Variants in TRHR observed in about 807,000 individuals in gnomAD.
TRHR encodes the protein thyrotropin releasing hormone receptor.
Under a neutral mutation model 28.0 loss-of-function variants are expected in TRHR, and 14 were observed. That is an observed-to-expected ratio of 0.50 (90% confidence interval 0.33 to 0.78). The LOEUF (loss-of-function observed/expected upper bound fraction) is 0.78. Ranked by LOEUF, TRHR falls within the 30% of genes least tolerant of loss-of-function variation. The probability of loss-of-function intolerance (pLI) is 0.02; values close to 1 mark genes in which losing one functional copy is unlikely to be tolerated. For missense variants in TRHR, 438 were observed against 469.5 expected (o/e 0.93, Z 0.62); for synonymous variants, 176 against 171.9 (o/e 1.02, Z -0.18).
chr8:109,107,716 A>G (rs892431054), intron 2 of TRHR, among the ~76,000 whole-genome samples: 3 of 152,162 alleles, frequency 2.0e-5, no homozygotes, highest in Non-Finnish European at 4.4e-5. Context: ...ACCTCTTATC[A>G]AGGATGCAGA....
At position 109,088,307 on chromosome 8, in the gene TRHR, C is replaced by A. The variant is rs1329533231; in HGVS notation, c.789+6C>A. 6.2e-7 allele frequency: 1 copy of A among 1,612,452 alleles called. No individual in the cohort carries two copies. The highest frequency in any genetic ancestry group is 2.2e-5 in the East Asian group (1 of 44,854). On this transcript the variant is annotated splice_donor_region_variant and intron_variant, in intron 2 of 2. Transcript: ENST00000518632. ...CAGTATCTTCAAGGAAGCAGGTAAG[C>A]AAAACTGAAACTCCAAGTCAATAGA...
chr8:109,115,717 G>A (rs1415572818), intron 2 of TRHR, among the ~76,000 whole-genome samples: 1 of 152,132 alleles, frequency 6.6e-6, no homozygotes, highest in Non-Finnish European at 1.5e-5. Context: ...CTGAGACGAT[G>A]GGGTTTTCTA....
At chr8:109,110,124 C>T (rs984570194) in intron 2 of TRHR, among the ~76,000 whole-genome samples, 19 of 152,162 alleles carry the variant, frequency 1.2e-4, no homozygotes, top group Admixed American at 1.1e-3. Context: ...ATGTCTTGCT[C>T]ATAAAAGAAC....
At chr8:109,103,203 A>T (rs1811703187) in intron 2 of TRHR, among the ~76,000 whole-genome samples, 1 of 152,198 alleles carries the variant, frequency 6.6e-6, no homozygotes, top group Non-Finnish European at 1.5e-5. Context: ...CTGTTCTCAC[A>T]TCTTAAACCA....
In TRHR at chr8:109,087,828, T is replaced by C. The variant is rs1806679667; in HGVS notation, c.316T>C (p.Tyr106His). Reference protein sequence around the residue: ...VGCLCITYLQYLGINASSCSI... With the variant: ...VGCLCITYLQHLGINASSCSI... ...ATGCCTCTGCATTACTTACCTCCAG[T>C]ATTTGGGAATTAATGCATCCTCTTG... Residue 106 changes from tyrosine (Y) to histidine (H), a missense_variant, in exon 2 of 3, where the codon TAT (tyrosine) becomes CAT (histidine). Tyr to His is a moderately conservative substitution (Grantham distance 83). Coordinates refer to ENST00000518632, the MANE Select transcript of TRHR (RefSeq NM_003301.7). 5 of 1,614,182 alleles carry C rather than the reference T, an allele frequency of 3.1e-6. No individual in the cohort carries two copies. The highest frequency in any genetic ancestry group is 4.2e-6 in the Non-Finnish European group (5 of 1,180,034).
intron 2 of TRHR, among the ~76,000 whole-genome samples, chr8:109,100,320 G>T (rs953279094): frequency 1.3e-5 from 2 of 152,110 alleles, no homozygotes; most frequent in African/African-American, 4.8e-5. Context: ...GACCTCCAGG[G>T]ATTTCTTTAG....
At chr8:109,091,614 G>C (rs547236005) in intron 2 of TRHR, among the ~76,000 whole-genome samples, 1 of 152,288 alleles carries the variant, frequency 6.6e-6, no homozygotes, top group South Asian at 2.1e-4. Flanking sequence ...TAAAAAGGAA[G>C]TAAAAGAGCA....
chr8:109,113,061 C>G (rs1198812443), intron 2 of TRHR, among the ~76,000 whole-genome samples: 1 of 152,056 alleles, frequency 6.6e-6, no homozygotes, highest in Non-Finnish European at 1.5e-5. Context: ...TTCTTGATCT[C>G]TTAAATGTGT....
chr8:109,090,552 T>G (rs887019814), intron 2 of TRHR, among the ~76,000 whole-genome samples: 3 of 152,108 alleles, frequency 2.0e-5, no homozygotes, highest in African/African-American at 7.2e-5. Flanking sequence ...AAACATGGAG[T>G]GACACATAAG....
At chr8:109,099,382 C>A (rs1811644333) in intron 2 of TRHR, among the ~76,000 whole-genome samples, 1 of 152,214 alleles carries the variant, frequency 6.6e-6, no homozygotes, top group Non-Finnish European at 1.5e-5. Flanking sequence ...CTATTTTCTC[C>A]TCTTGGACAT....
chr8:109,119,023 A>C (rs1387470578), intron 2 of TRHR, 25 bp from the exon 3 acceptor site: 1 of 1,612,216 alleles, frequency 6.2e-7, no homozygotes, highest in Admixed American at 1.7e-5. Context: ...GTGTTTGTAC[A>C]GCATTTCTCT....
intron 1 of TRHR, 47 bp from the exon 2 acceptor site, chr8:109,087,378 C>A: frequency 1.0e-6 from 1 of 963,940 alleles, no homozygotes; most frequent in Non-Finnish European, 1.6e-6. Context: ...GGGACTTGAT[C>A]AGAAATTGTA....
intron 2 of TRHR, among the ~76,000 whole-genome samples, chr8:109,094,133 T>C (rs1811554811): frequency 6.6e-6 from 1 of 152,156 alleles, no homozygotes; most frequent in South Asian, 2.1e-4. Context: ...GGTAGCTTAA[T>C]CAATGGTTAA....
chr8:109,110,623 A>G (rs1283310089), intron 2 of TRHR, among the ~76,000 whole-genome samples: 1 of 152,194 alleles, frequency 6.6e-6, no homozygotes, highest in Non-Finnish European at 1.5e-5. Context: ...GAACCTATGC[A>G]TTAGCATCCC....
intron 2 of TRHR, among the ~76,000 whole-genome samples, chr8:109,094,588 A>G (rs1403662311): frequency 7.9e-5 from 12 of 152,008 alleles, no homozygotes; most frequent in Admixed American, 6.6e-4. Flanking sequence ...TCTGATTCAC[A>G]TCCTGTATAA....
intron 2 of TRHR, among the ~76,000 whole-genome samples, chr8:109,105,326 C>T (rs1047974137): frequency 3.3e-5 from 5 of 152,100 alleles, no homozygotes; most frequent in East Asian, 3.9e-4. Flanking sequence ...GCCAATGGTA[C>T]GAACTCTCAG....
chr8:109,111,758 G>A (rs1377834381), intron 2 of TRHR, among the ~76,000 whole-genome samples: 3 of 152,174 alleles, frequency 2.0e-5, no homozygotes, highest in African/African-American at 4.8e-5. Flanking sequence ...AACCTTTTGT[G>A]CAGTACAGAT....
chr8:109,088,169 C>T lies in TRHR; in HGVS notation c.657C>T (p.Phe219=), dbSNP rs1473134618. The T allele has an allele frequency of 6.2e-7, 1 of 1,614,156 alleles. No homozygotes were observed. The highest frequency in any genetic ancestry group is 8.5e-7 in the Non-Finnish European group (1 of 1,180,022). Residue 219 remains phenylalanine (F), a synonymous_variant, in exon 2 of 3, where the codon TTC becomes TTT. Coordinates refer to ENST00000518632, the MANE Select transcript of TRHR (RefSeq NM_003301.7). The part of the protein sequence containing the change: ...VLYGFIARIL[F]LNPIPSDPKE... ...ATGGATTCATAGCTAGAATCCTTTT[C>T]TTAAATCCCATTCCTTCAGATCCTA...
At chr8:109,097,018 G>A (rs970498892) in intron 2 of TRHR, among the ~76,000 whole-genome samples, 11 of 152,194 alleles carry the variant, frequency 7.2e-5, no homozygotes, top group South Asian at 4.2e-4. Context: ...TTGCCAGTAC[G>A]ATGGTGATTG....
Sources: allele counts gnomAD v4.1 joint callset (sites outside exome capture counted in the v4.1 genomes callset), GRCh38; gene constraint gnomAD v4.1.1; transcripts MANE v1.5; gene names NCBI Gene and HGNC (gene_info 2026-07-23, HGNC 2026-07-21).